STOX2: variants seen among roughly 807,000 people sequenced by gnomAD.
The protein encoded by STOX2 is storkhead-box protein 2.
STOX2 carries 28 observed loss-of-function variants against 60.9 expected under a neutral mutation model. The ratio of observed to expected loss-of-function variants is 0.46; its 90% CI spans 0.34 to 0.63. The LOEUF is 0.63. STOX2 is among the 30% of genes least tolerant of loss of function. STOX2 has a pLI of 0.01. For missense variants in STOX2, 1,024 were observed against 1,187.7 expected (o/e 0.86, Z 2.03); for synonymous variants, 472 against 463.9 (o/e 1.02, Z -0.22).
chr4:183,990,924 C>G (rs566795089), intron 1 of STOX2, among the ~76,000 whole-genome samples: 18 of 152,176 alleles, frequency 1.2e-4, no homozygotes, highest in African/African-American at 4.3e-4. Context: ...TTGACTCCTA[C>G]AGGACATTTT....
intron 1 of STOX2, among the ~76,000 whole-genome samples, chr4:183,799,575 C>A (rs570384874): frequency 6.6e-6 from 1 of 151,704 alleles, no homozygotes; most frequent in Non-Finnish European, 1.5e-5. Context: ...TTATATTGAA[C>A]CCCCACCGTG....
chr4:184,019,116 A>C lies in STOX2; in HGVS notation c.*1832A>C, dbSNP rs1001175871. ...CCCTCATAGTTTTTCAGTTATTTGG[A>C]AGTTGCATTGGGTCAAACTGAACTC... On this transcript the variant is annotated 3_prime_UTR_variant, in exon 4 of 4. Coordinates refer to ENST00000308497, the MANE Select transcript of STOX2 (RefSeq NM_020225.3). 1.3e-5 allele frequency: 2 copies of C among 152,180 alleles called. No homozygotes were observed. Among genetic ancestry groups the C allele is most frequent in the African/African-American group, 4.8e-5 (2 of 41,444 alleles). The allele number at this position is 152,180 out of a possible 1,614,324, so 9.4% of individuals were successfully genotyped here. A position where few individuals can be genotyped will look rare whatever the true frequency, so the allele number is the denominator to read the frequency against.
intron 1 of STOX2, among the ~76,000 whole-genome samples, chr4:183,926,439 C>T (rs1453607770): frequency 6.6e-6 from 1 of 152,170 alleles, no homozygotes; most frequent in East Asian, 1.9e-4. Flanking sequence ...TCATTTAATA[C>T]AACACCCAAT....
chr4:183,942,056 A>T (rs1331269854), intron 1 of STOX2, among the ~76,000 whole-genome samples: 1 of 152,190 alleles, frequency 6.6e-6, no homozygotes, highest in Admixed American at 6.5e-5. Flanking sequence ...AGGATTAGTA[A>T]GTAATTAGCC....
intron 1 of STOX2, among the ~76,000 whole-genome samples, chr4:183,996,371 C>T (rs182941686): frequency 3.9e-5 from 6 of 152,166 alleles, no homozygotes; most frequent in Non-Finnish European, 7.3e-5. Flanking sequence ...CTAATTCTGA[C>T]GATGGAAAAA....
rs373810113 is a variant in STOX2, at chr4:183,989,778, C to T, written c.167-11547C>T. On this transcript the variant is annotated intron_variant, in intron 1 of 3. Transcript: ENST00000308497. ...AAAGCTTTTTAAAAAAACATGACAA[C>T]GAAATGGTAAATTTTGGTCCTCAAA... 1.1e-3 allele frequency among the ~76,000 whole-genome samples: 169 copies of T among 152,236 alleles called. 1 individual carries two copies. Among genetic ancestry groups the T allele is most frequent in the African/African-American group, 3.3e-3 (139 of 41,544 alleles).
chr4:183,920,055 A>G (rs1418839109), intron 1 of STOX2, among the ~76,000 whole-genome samples: 2 of 152,232 alleles, frequency 1.3e-5, no homozygotes, highest in Non-Finnish European at 2.9e-5. Flanking sequence ...GAGATTTCAC[A>G]TACTCATCGG....
Position 184,010,347 on chromosome 4 carries a change from T to G in STOX2, c.1509T>G (p.Ala503=). The part of the protein sequence containing the change: ...SMDNSKGPLG[A]SSLGTPEDLA... ...ATAACTCCAAAGGCCCTCTGGGTGC[T>G]TCTTCTCTAGGGACGCCGGAAGACC... Residue 503 remains alanine, a synonymous_variant, in exon 3 of 4, where the codon GCT becomes GCG. Transcript: ENST00000308497. The surrounding 1 kb of genome is among the most constrained non-coding windows in gnomAD (Gnocchi z 4.5). The G allele has an allele frequency of 1.2e-6, 2 of 1,610,814 alleles. No homozygotes were observed. Among genetic ancestry groups the G allele is most frequent in the Non-Finnish European group, 1.7e-6 (2 of 1,178,504 alleles).
intron 1 of STOX2, among the ~76,000 whole-genome samples, chr4:183,928,329 A>G (rs1742306563): frequency 6.6e-6 from 1 of 152,216 alleles, no homozygotes; most frequent in Non-Finnish European, 1.5e-5. Flanking sequence ...GCAGAAGATA[A>G]TAAACTGTTG....
At chr4:183,958,396 T>C (rs569036743) in intron 1 of STOX2, among the ~76,000 whole-genome samples, 178 of 152,260 alleles carry the variant, frequency 1.2e-3, no homozygotes, top group Non-Finnish European at 1.9e-3. Flanking sequence ...ATACCATATA[T>C]ATAAAATAGT....
intron 1 of STOX2, among the ~76,000 whole-genome samples, chr4:183,893,171 C>T (rs7675746): frequency 0.31 from 47,257 of 151,552 alleles, 8,901 homozygotes; most frequent in African/African-American, 0.51. Context: ...TTCTTTCTCA[C>T]GGTTTCTAAT....
chr4:184,005,474 A>AAAAAAAAC (rs58443213), intron 2 of STOX2, among the ~76,000 whole-genome samples: 1,473 of 119,936 alleles, frequency 0.012, 59 homozygotes, highest in Non-Finnish European at 0.018. Flanking sequence ...AAAAAAAAAA[A>AAAAAAAAC]AATTCATAGG....
chr4:183,955,328 C>T (rs1273426119), intron 1 of STOX2, among the ~76,000 whole-genome samples: 1 of 152,158 alleles, frequency 6.6e-6, no homozygotes, highest in African/African-American at 2.4e-5. Context: ...CACAGCCATT[C>T]GTTTTGTCTG....
chr4:183,874,798 C>T (rs1290326758), intron 1 of STOX2, among the ~76,000 whole-genome samples: 2 of 150,116 alleles, frequency 1.3e-5, no homozygotes, highest in Non-Finnish European at 3.0e-5. Flanking sequence ...AGCTGGCAGG[C>T]GCCTGTAGTC....
upstream of STOX2, among the ~76,000 whole-genome samples, chr4:183,902,391 A>G (rs1272493443): frequency 6.6e-6 from 1 of 152,246 alleles, no homozygotes; most frequent in Non-Finnish European, 1.5e-5. Flanking sequence ...ATATGAAAAT[A>G]CCAAATATAC....
intron 1 of STOX2, among the ~76,000 whole-genome samples, chr4:183,935,773 G>A (rs1742573131): frequency 6.6e-6 from 1 of 152,208 alleles, no homozygotes; most frequent in Non-Finnish European, 1.5e-5. Flanking sequence ...TGGGACTAAG[G>A]AGTACTCAGA....
intron 1 of STOX2, among the ~76,000 whole-genome samples, chr4:183,929,224 A>G (rs187726021): frequency 1.3e-5 from 2 of 152,352 alleles, no homozygotes; most frequent in Admixed American, 6.5e-5. Context: ...TCTACAGCAT[A>G]CAGGATGAGA....
At chr4:183,883,517 C>T (rs1209429224) in intron 1 of STOX2, among the ~76,000 whole-genome samples, 2 of 152,018 alleles carry the variant, frequency 1.3e-5, no homozygotes, top group African/African-American at 4.8e-5. Context: ...ATGGTTTCAC[C>T]GTGTTAGCCA....
chr4:183,951,900 C>A (rs1250663696), intron 1 of STOX2, among the ~76,000 whole-genome samples: 1 of 152,120 alleles, frequency 6.6e-6, no homozygotes, highest in East Asian at 1.9e-4. Context: ...GCCGAGATAG[C>A]ACCACTGCAC....
Sources: gnomAD v4.1 joint callset for allele counts (sites outside exome capture counted in the v4.1 genomes callset) on GRCh38, gnomAD v4.1.1 for gene constraint, Gnocchi (gnomAD v3.1) non-coding constraint, MANE v1.5 for transcripts, NCBI Gene and HGNC (gene_info 2026-07-23, HGNC 2026-07-21) for gene names.